The following UQCC1 variants were observed in gnomAD, a reference collection of about 807,000 sequenced individuals.
UQCC1 encodes the protein bFGF-repressed Zic-binding protein.
A neutral mutation model predicts 48.0 loss-of-function variants in UQCC1; 38 were observed. That is an observed-to-expected ratio of 0.79 (90% confidence interval 0.61 to 1.04). The LOEUF (loss-of-function observed/expected upper bound fraction) is 1.04, where lower values mean the gene tolerates loss of function less well. UQCC1 is among the 50% of genes least tolerant of loss of function. UQCC1 has a pLI of 0.00. For missense variants in UQCC1, 368 were observed against 381.8 expected (o/e 0.96, Z 0.30); for synonymous variants, 111 against 129.2 (o/e 0.86, Z 0.95).
chr20:35,356,995 T>A (rs1339225953), intron 6 of UQCC1, among the ~76,000 whole-genome samples: 20 of 152,206 alleles, frequency 1.3e-4, no homozygotes, highest in Admixed American at 1.3e-3. Context: ...GTTCAACAGG[T>A]ACAACTCAGA....
intron 1 of UQCC1, among the ~76,000 whole-genome samples, chr20:35,400,754 C>T (rs1036835640): frequency 6.6e-6 from 1 of 152,202 alleles, no homozygotes; most frequent in African/African-American, 2.4e-5. Context: ...CTCGGCCTCC[C>T]AAAGTGCTGG....
intron 3 of UQCC1, among the ~76,000 whole-genome samples, chr20:35,383,282 A>G (rs6141548): frequency 0.54 from 82,570 of 152,100 alleles, 23,447 homozygotes; most frequent in East Asian, 0.72. Context: ...CTAACCAATA[A>G]AAAATTATCC....
At chr20:35,395,006 C>A (rs910294991) in intron 1 of UQCC1, among the ~76,000 whole-genome samples, 1 of 152,162 alleles carries the variant, frequency 6.6e-6, no homozygotes, top group African/African-American at 2.4e-5. Context: ...AAGGGATACA[C>A]CTCAGGAACA....
intron 7 of UQCC1, among the ~76,000 whole-genome samples, chr20:35,334,604 T>G (rs986821879): frequency 3.9e-5 from 6 of 152,224 alleles, no homozygotes; most frequent in African/African-American, 1.4e-4. Flanking sequence ...TTTCTTAATA[T>G]TGTAATTATC....
At chr20:35,364,004 G>A (rs751025251) in intron 6 of UQCC1, among the ~76,000 whole-genome samples, 3 of 152,122 alleles carry the variant, frequency 2.0e-5, no homozygotes, top group Admixed American at 6.6e-5. Context: ...CCGATTCTTG[G>A]AGGATCACAG....
chr20:35,328,230 C>T (rs530355346), intron 7 of UQCC1, among the ~76,000 whole-genome samples: 26 of 152,246 alleles, frequency 1.7e-4, no homozygotes, highest in African/African-American at 4.6e-4. Context: ...ACCTAGGAAA[C>T]GCACTGAAAT....
chr20:35,329,444 A>G (rs1372800961), intron 7 of UQCC1, among the ~76,000 whole-genome samples: 2 of 152,192 alleles, frequency 1.3e-5, no homozygotes. Flanking sequence ...TGACATTCAG[A>G]AAGACCAGCT....
intron 6 of UQCC1, among the ~76,000 whole-genome samples, chr20:35,362,551 G>A (rs1716146226): frequency 6.6e-6 from 1 of 152,056 alleles, no homozygotes; most frequent in South Asian, 2.1e-4. Flanking sequence ...TAGAGACAGG[G>A]TTTCACCATG....
At chr20:35,403,766 A>G (rs1377037403) in intron 1 of UQCC1, among the ~76,000 whole-genome samples, 1 of 152,208 alleles carries the variant, frequency 6.6e-6, no homozygotes, top group African/African-American at 2.4e-5. Flanking sequence ...TTGTAGGGAC[A>G]TGGATGAAGC....
chr20:35,328,985 C>T (rs562702865), intron 7 of UQCC1, among the ~76,000 whole-genome samples: 1 of 152,268 alleles, frequency 6.6e-6, no homozygotes, highest in Admixed American at 6.5e-5. Flanking sequence ...CAGGGATTAG[C>T]ATGTGGCGAG....
At chr20:35,365,971 T>C (rs1272223711) in intron 6 of UQCC1, among the ~76,000 whole-genome samples, 3 of 152,192 alleles carry the variant, frequency 2.0e-5, no homozygotes, top group Non-Finnish European at 2.9e-5. Flanking sequence ...TCAACGACTC[T>C]CCTATATCCT....
intron 6 of UQCC1, among the ~76,000 whole-genome samples, chr20:35,354,006 T>C (rs1318952762): frequency 6.6e-6 from 1 of 152,198 alleles, no homozygotes; most frequent in African/African-American, 2.4e-5. Context: ...ATACTTACCA[T>C]TATAACTGCT....
At chr20:35,403,831 T>C (rs1231877749) in intron 1 of UQCC1, among the ~76,000 whole-genome samples, 1 of 152,118 alleles carries the variant, frequency 6.6e-6, no homozygotes, top group Non-Finnish European at 1.5e-5. Flanking sequence ...AAACACTGCA[T>C]GTTCTCACTC....
chr20:35,343,913 G>A (rs1359497918), intron 7 of UQCC1, among the ~76,000 whole-genome samples: 1 of 152,106 alleles, frequency 6.6e-6, no homozygotes, highest in Non-Finnish European at 1.5e-5. Flanking sequence ...TATGAGAAAC[G>A]CTGATCTAAA....
chr20:35,388,886 GA>G (rs1221197901), intron 2 of UQCC1, among the ~76,000 whole-genome samples: 1 of 152,034 alleles, frequency 6.6e-6, no homozygotes, highest in Non-Finnish European at 1.5e-5. Context: ...CCAACATGGT[GA>G]AACCCCTTCT....
At chr20:35,366,833 C>A (rs2061672699) in intron 5 of UQCC1, among the ~76,000 whole-genome samples, 1 of 152,084 alleles carries the variant, frequency 6.6e-6, no homozygotes, top group African/African-American at 2.4e-5. Context: ...GTGGCTCATG[C>A]CTGTAATTCC....
rs2061683661 is a variant in UQCC1 at position 35,367,533 on chromosome 20, T to G, written c.407-919A>C. 2.0e-5 allele frequency among the ~76,000 whole-genome samples: 3 copies of G among 151,550 alleles called. No individual in the cohort carries two copies. The South Asian group carries it at 6.3e-4, about 32-fold the overall frequency. On this transcript the variant is annotated intron_variant, in intron 5 of 9. Coordinates refer to ENST00000374385, the MANE Select transcript of UQCC1 (RefSeq NM_018244.5). Reference sequence around the variant, plus strand: ...CAGCACTTAGGGAGGCTGAGGTGGGTGGATTGCTTGAGCCCAGGAGTTTGA... The same window carrying G: ...CAGCACTTAGGGAGGCTGAGGTGGGGGGATTGCTTGAGCCCAGGAGTTTGA...
At chr20:35,368,970 G>T (rs2146447247) in intron 5 of UQCC1, among the ~76,000 whole-genome samples, 1 of 152,250 alleles carries the variant, frequency 6.6e-6, no homozygotes, top group East Asian at 1.9e-4. Flanking sequence ...GTCTTTTTTG[G>T]ATGCTAGAAC....
chr20:35,377,892 C>T (rs1568693057), intron 4 of UQCC1, among the ~76,000 whole-genome samples: 1 of 152,200 alleles, frequency 6.6e-6, no homozygotes, highest in Non-Finnish European at 1.5e-5. Flanking sequence ...AGTGCTCATG[C>T]TATGGCAATC....
Sources: gnomAD v4.1 joint callset for allele counts (sites outside exome capture counted in the v4.1 genomes callset) on GRCh38, gnomAD v4.1.1 for gene constraint, MANE v1.5 for transcripts, NCBI Gene and HGNC (gene_info 2026-07-23, HGNC 2026-07-21) for gene names.